Variants in TGM2 observed in about 807,000 individuals in gnomAD.
TGM2 encodes the protein protein-glutamine gamma-glutamyltransferase 2.
TGM2 carries 53 observed loss-of-function variants against 75.6 expected under a neutral mutation model. The ratio of observed to expected loss-of-function variants is 0.70; its 90% CI spans 0.56 to 0.88. The LOEUF (loss-of-function observed/expected upper bound fraction) is 0.88, where lower values mean the gene tolerates loss of function less well. TGM2 is among the 40% of genes least tolerant of loss of function. The pLI, the probability that TGM2 is intolerant of heterozygous loss-of-function variation, is 0.00. For synonymous variants in TGM2, 374 were observed against 381.1 expected (o/e 0.98, Z 0.22); for missense variants, 842 against 928.5 (o/e 0.91, Z 1.21).
At chr20:38,168,447 C>T (rs1018517328), upstream of TGM2, among the ~76,000 whole-genome samples, 1 of 152,222 alleles carries the variant, frequency 6.6e-6, no homozygotes, top group African/African-American at 2.4e-5. Context: ...GATCCCCAGA[C>T]ACTGCAATCA....
chr20:38,155,151 C>T (rs2075167692), intron 3 of TGM2, among the ~76,000 whole-genome samples: 1 of 152,068 alleles, frequency 6.6e-6, no homozygotes, highest in Non-Finnish European at 1.5e-5. Flanking sequence ...AAAACAGGGC[C>T]CCATGAAACA....
Position 38,165,268 on chromosome 20 carries a change from A to G in TGM2, c.-70T>C. Reference sequence around the variant, plus strand: ...CCAAGTGCGACCACTGGCGGCTGGCACTGCCGAGGCGGAGAGCGGCGCTAA... The same window carrying G: ...CCAAGTGCGACCACTGGCGGCTGGCGCTGCCGAGGCGGAGAGCGGCGCTAA... On this transcript the variant is annotated 5_prime_UTR_variant, in exon 1 of 13. Coordinates refer to ENST00000361475, the MANE Select transcript of TGM2 (RefSeq NM_004613.4). 1 of 1,606,802 alleles carries G rather than the reference A, an allele frequency of 6.2e-7. No homozygotes were observed. The highest frequency in any genetic ancestry group is 8.5e-7 in the Non-Finnish European group (1 of 1,178,000).
At chr20:38,130,415 C>T (rs540815010) in intron 12 of TGM2, 46 bp from the exon 13 acceptor site, 364 of 1,549,342 alleles carry the variant, frequency 2.3e-4, no homozygotes, top group Non-Finnish European at 3.0e-4. Context: ...CAAGGCCTGG[C>T]TCCCGCATGC....
Position 38,132,386 on chromosome 20 carries a change from A to G in TGM2, c.1730T>C (p.Leu577Pro). 6.2e-7 allele frequency: 1 copy of G among 1,614,158 alleles called. No homozygotes were observed. Residue 577 changes from leucine to proline, a missense_variant, in exon 11 of 13, where the codon CTG becomes CCG. Coordinates refer to ENST00000361475, the MANE Select transcript of TGM2 (RefSeq NM_004613.4). The stretch of plus-strand genomic sequence containing the variant: ...CTCCAGGTAGAGGTCCCTCTCAGCC[A>G]GCAGGTAGCTGTTGATAACTGGCTC... ...LVEPVINSYLLAERDLYLENP... is the reference protein window; with the variant it reads ...LVEPVINSYLPAERDLYLENP...
intron 6 of TGM2, among the ~76,000 whole-genome samples, chr20:38,144,134 T>C (rs937691092): frequency 2.6e-5 from 4 of 152,312 alleles, no homozygotes; most frequent in Admixed American, 1.3e-4. Context: ...AGTGCCACTC[T>C]TGCCCCAGGG....
At chr20:38,148,345 A>T (rs995005961) in intron 4 of TGM2, among the ~76,000 whole-genome samples, 2 of 152,140 alleles carry the variant, frequency 1.3e-5, no homozygotes, top group Non-Finnish European at 2.9e-5. Context: ...GGTTGGGGGA[A>T]CCTGGAAATC....
chr20:38,137,625 G>C (rs1185439115), intron 10 of TGM2, among the ~76,000 whole-genome samples: 1 of 152,170 alleles, frequency 6.6e-6, no homozygotes, highest in African/African-American at 2.4e-5. Context: ...ACTTTCCAAG[G>C]CGCTGGGTTA....
chr20:38,146,535 A>G, intron 6 of TGM2, 182 bp downstream of exon 6: 1 of 756,520 alleles, frequency 1.3e-6, no homozygotes, highest in Non-Finnish European at 2.3e-6. Context: ...CCTAACAACC[A>G]CTGGAGGGAT....
At chr20:38,148,435 C>T (rs958051469) in intron 4 of TGM2, among the ~76,000 whole-genome samples, 1 of 152,190 alleles carries the variant, frequency 6.6e-6, no homozygotes, top group African/African-American at 2.4e-5. Context: ...TGTCACTGTC[C>T]CTTTCTCCTC....
At chr20:38,162,448 T>A (rs531960244) in intron 1 of TGM2, among the ~76,000 whole-genome samples, 15 of 152,286 alleles carry the variant, frequency 9.8e-5, no homozygotes, top group African/African-American at 3.6e-4. Context: ...AGGATGCAGT[T>A]GACAAACTTC....
chr20:38,128,389 T>C lies in TGM2; in HGVS notation c.*1830A>G, dbSNP rs1262920241. 1 of 152,196 alleles carries C rather than the reference T, an allele frequency of 6.6e-6. No individual in the cohort carries two copies. Among genetic ancestry groups the C allele is most frequent in the Non-Finnish European group, 1.5e-5 (1 of 68,074 alleles). 9.4% of individuals were successfully genotyped at this position (152,196 alleles called of 1,614,324 possible). The stretch of plus-strand genomic sequence containing the variant: ...TCAGGAAAGACTCCTAGGCAGGAAG[T>C]GGGGGTCCAGGTGTGAGCGAGCTCA... On this transcript the variant is annotated 3_prime_UTR_variant, in exon 13 of 13. Coordinates refer to ENST00000361475, the MANE Select transcript of TGM2 (RefSeq NM_004613.4).
rs757936323 is a variant in TGM2 at position 38,138,093 on chromosome 20, C to G, written c.1615+20G>C. On this transcript the variant is annotated intron_variant, in intron 10 of 12. Transcript: ENST00000361475. ...TGTCAGTTGGCGGTCAACAAATGCT[C>G]CAGGAACACAGGGCTTTACCAGAGA... 4.5e-6 allele frequency: 7 copies of G among 1,571,976 alleles called. No homozygotes were observed. Among genetic ancestry groups the G allele is most frequent in the Non-Finnish European group, 5.2e-6 (6 of 1,157,370 alleles).
chr20:38,155,487 G>A (rs951638503), intron 3 of TGM2, among the ~76,000 whole-genome samples: 2 of 152,042 alleles, frequency 1.3e-5, no homozygotes, highest in Admixed American at 6.6e-5. Context: ...GACCACAGGC[G>A]TGCACTACCA....
chr20:38,152,116 C>G (rs951680422), intron 3 of TGM2, among the ~76,000 whole-genome samples: 4 of 152,208 alleles, frequency 2.6e-5, no homozygotes, highest in African/African-American at 9.7e-5. Flanking sequence ...CATATTAAAA[C>G]CTATTGTTCA....
At chr20:38,165,901 T>C (rs1351282118), upstream of TGM2, among the ~76,000 whole-genome samples, 3 of 151,900 alleles carry the variant, frequency 2.0e-5, no homozygotes, top group Admixed American at 2.0e-4. Flanking sequence ...AGATACAGCC[T>C]GACACAGCCA....
intron 6 of TGM2, among the ~76,000 whole-genome samples, chr20:38,143,327 C>T (rs1468001964): frequency 2.0e-5 from 3 of 152,350 alleles, no homozygotes; most frequent in Middle Eastern, 3.4e-3. Flanking sequence ...GGTTCCATCT[C>T]TTTGTGCATT....
chr20:38,159,657 G>A (rs1006919062), intron 2 of TGM2, among the ~76,000 whole-genome samples: 47 of 152,214 alleles, frequency 3.1e-4, no homozygotes, highest in African/African-American at 8.2e-4. Context: ...TGATAAATGC[G>A]CCTGCTGCAG....
At chr20:38,155,255 C>T (rs2075169663) in intron 3 of TGM2, among the ~76,000 whole-genome samples, 1 of 152,226 alleles carries the variant, frequency 6.6e-6, no homozygotes, top group South Asian at 2.1e-4. Flanking sequence ...AGCCCCAGTT[C>T]ATAGTGGTCT....
chr20:38,143,331 G>T (rs2075000369), intron 6 of TGM2, among the ~76,000 whole-genome samples: 2 of 152,200 alleles, frequency 1.3e-5, no homozygotes, highest in Admixed American at 1.3e-4. Flanking sequence ...CCATCTCTTT[G>T]TGCATTAGTG....
Sources: gnomAD v4.1 joint callset for allele counts (sites outside exome capture counted in the v4.1 genomes callset) on GRCh38, gnomAD v4.1.1 for gene constraint, MANE v1.5 for transcripts, NCBI Gene and HGNC (gene_info 2026-07-23, HGNC 2026-07-21) for gene names.